Variants in PRH1 observed in about 807,000 individuals in gnomAD.
PRH1 encodes proline rich protein HaeIII subfamily 1.
Under a neutral mutation model 7.9 loss-of-function variants are expected in PRH1, and 7 were observed. That is an observed-to-expected ratio of 0.89 (90% CI 0.50 to 1.67). The LOEUF is 1.67. PRH1 is among the 40% of genes most tolerant of loss of function. The probability of loss-of-function intolerance (pLI) is 0.00; values close to 1 mark genes in which losing one functional copy is unlikely to be tolerated. For missense variants in PRH1, 109 were observed against 223.6 expected (o/e 0.49, Z 3.27); for synonymous variants, 45 against 80.8 (o/e 0.56, Z 2.38).
chr12:11,024,580 G>A (rs1941815942), intron 1 of PRH1, among the ~76,000 whole-genome samples: 1 of 152,066 alleles, frequency 6.6e-6, no homozygotes, highest in Admixed American at 6.5e-5. Context: ...TCAACATTTT[G>A]TATCCAAAAT....
intron 1 of PRH1, among the ~76,000 whole-genome samples, chr12:11,146,022 G>C (rs1008791327): frequency 6.6e-6 from 1 of 152,048 alleles, no homozygotes; most frequent in African/African-American, 2.4e-5. Context: ...AAAAGTATGT[G>C]TACATAGATA....
intron 1 of PRH1, among the ~76,000 whole-genome samples, chr12:11,026,893 T>C (rs1941943073): frequency 6.6e-6 from 1 of 152,212 alleles, no homozygotes. Flanking sequence ...AATAACACTG[T>C]GTCACTGTTT....
intron 1 of PRH1, among the ~76,000 whole-genome samples, chr12:11,067,215 T>A (rs570332804): frequency 1.3e-5 from 2 of 152,268 alleles, no homozygotes; most frequent in African/African-American, 4.8e-5. Flanking sequence ...TTTTCTCCAA[T>A]GCAGAATCAA....
At chr12:11,064,911 A>G (rs1185029540) in intron 1 of PRH1, among the ~76,000 whole-genome samples, 1 of 152,038 alleles carries the variant, frequency 6.6e-6, no homozygotes, top group African/African-American at 2.4e-5. Context: ...TGAAAAAGCC[A>G]GGCATAAGGA....
At chr12:11,064,442 T>C (rs1335585680) in intron 1 of PRH1, among the ~76,000 whole-genome samples, 1 of 152,130 alleles carries the variant, frequency 6.6e-6, no homozygotes, top group Non-Finnish European at 1.5e-5. Context: ...GCTTCTTTTT[T>C]GAACAGTTAC....
chr12:11,052,784 G>C (rs1237460706), intron 1 of PRH1, among the ~76,000 whole-genome samples: 1 of 151,786 alleles, frequency 6.6e-6, no homozygotes, highest in Non-Finnish European at 1.5e-5. Context: ...TCTCAGTACT[G>C]ATATTTCATT....
intron 1 of PRH1, among the ~76,000 whole-genome samples, chr12:11,041,460 G>A (rs889006779): frequency 1.3e-5 from 2 of 152,034 alleles, no homozygotes; most frequent in African/African-American, 2.4e-5. Flanking sequence ...ACTCAACACT[G>A]GAGCACCCAG....
Position 11,086,817 on chromosome 12 carries a change from G to A in PRH1, n.124-39629C>T, listed in dbSNP as rs1944720914. ...AAATCCCAGCTACTCAGGTGGCTGTGGCAGAAAAATCATTGGAACCCAGGA... is the reference window on the plus strand; with the variant it reads ...AAATCCCAGCTACTCAGGTGGCTGTAGCAGAAAAATCATTGGAACCCAGGA... On this transcript the variant is annotated intron_variant and non_coding_transcript_variant, in intron 1 of 4. Coordinates refer to the PRH1 transcript ENST00000541977. Among the ~76,000 whole-genome samples, 2 of 114,114 alleles carry A rather than the reference G, an allele frequency of 1.8e-5. 1 individual carries two copies. Among genetic ancestry groups the A allele is most frequent in the Admixed American group, 1.8e-4 (2 of 11,288 alleles). The allele number at this position is 114,114 out of a possible 152,430, so 74.9% of individuals were successfully genotyped here. A position where few individuals can be genotyped will look rare whatever the true frequency, so the allele number is the denominator to read the frequency against.
At chr12:11,131,342 T>C (rs1946334030) in intron 1 of PRH1, among the ~76,000 whole-genome samples, 1 of 149,804 alleles carries the variant, frequency 6.7e-6, no homozygotes. Context: ...ATACCAGACA[T>C]CACCACACAT....
chr12:10,996,739 T>G (rs1373360562), intron 1 of PRH1: 2 of 363,808 alleles, frequency 5.5e-6, no homozygotes, highest in East Asian at 8.7e-5. Context: ...TAAATTTTCA[T>G]ATACATTCAG....
intron 1 of PRH1, among the ~76,000 whole-genome samples, chr12:11,059,133 A>T (rs369581329): frequency 6.6e-6 from 1 of 152,168 alleles, no homozygotes; most frequent in African/African-American, 2.4e-5. Context: ...AATACAGAAG[A>T]CAACTGAGCA....
intron 2 of PRH1, chr12:10,939,029 C>G (rs1476828012): frequency 6.2e-7 from 1 of 1,613,568 alleles, no homozygotes; most frequent in Non-Finnish European, 8.5e-7. Flanking sequence ...GAATATTAAC[C>G]AAACCAGGCT....
chr12:10,986,488 C>G, intron 1 of PRH1: 1 of 1,614,062 alleles, frequency 6.2e-7, no homozygotes, highest in Non-Finnish European at 8.5e-7. Flanking sequence ...ACACTCCTAA[C>G]TCTCCTCTTT....
At chr12:11,025,193 T>A (rs1308686466) in intron 1 of PRH1, among the ~76,000 whole-genome samples, 1 of 152,158 alleles carries the variant, frequency 6.6e-6, no homozygotes, top group Non-Finnish European at 1.5e-5. Flanking sequence ...AATTTTTTTT[T>A]ATTTTTAGTA....
chr12:10,931,472 T>C (rs1456458615), intron 2 of PRH1, among the ~76,000 whole-genome samples: 2 of 152,218 alleles, frequency 1.3e-5, no homozygotes, highest in African/African-American at 4.8e-5. Context: ...CCAGTATTCC[T>C]GCTAAATGGT....
chr12:10,911,492 T>C (rs1001724816), intron 2 of PRH1, among the ~76,000 whole-genome samples: 1 of 152,170 alleles, frequency 6.6e-6, no homozygotes, highest in African/African-American at 2.4e-5. Flanking sequence ...CAGTCTGAAC[T>C]GAAAAGGAAA....
chr12:11,149,873 T>C (rs887371235), intron 1 of PRH1, among the ~76,000 whole-genome samples: 1 of 136,064 alleles, frequency 7.3e-6, no homozygotes, highest in Non-Finnish European at 1.6e-5. Flanking sequence ...ACCATCAGAG[T>C]GAACAGGCAA....
intron 2 of PRH1, among the ~76,000 whole-genome samples, chr12:10,889,776 C>G (rs1161280758): frequency 6.6e-6 from 1 of 152,094 alleles, no homozygotes; most frequent in Non-Finnish European, 1.5e-5. Flanking sequence ...TTTCCTCCAT[C>G]ATTTTCTTTA....
chr12:11,121,095 TG>T (rs1473999740), exon 2 of PRH1: 1 of 153,196 alleles, frequency 6.5e-6, no homozygotes, highest in East Asian at 1.9e-4. Context: ...GTCTCAGAAC[TG>T]ACACAGAAGA....
Sources: allele counts gnomAD v4.1 joint callset (sites outside exome capture counted in the v4.1 genomes callset), GRCh38; gene constraint gnomAD v4.1.1; transcripts MANE v1.5; gene names NCBI Gene and HGNC (gene_info 2026-07-23, HGNC 2026-07-21).